The following SLC38A10 variants were observed in gnomAD, a reference collection of about 807,000 sequenced individuals.
SLC38A10 encodes the protein Sodium-coupled neutral amino acid transporter 10.
In SLC38A10, 53 loss-of-function variants were observed where a neutral mutation model predicts 81.0. The observed-to-expected ratio is 0.65, with a 90% CI of 0.53 to 0.82. SLC38A10 has a LOEUF of 0.82. Among genes scored for constraint, SLC38A10 ranks in the 40% least tolerant of loss-of-function variants. The pLI is 0.00. For missense variants in SLC38A10, 1,471 were observed against 1,545.0 expected (o/e 0.95, Z 0.80); for synonymous variants, 665 against 655.3 (o/e 1.01, Z -0.23).
In SLC38A10 at chr17:81,283,099, G is replaced by A. The variant is rs534267852; in HGVS notation, c.357+310C>T. Reference sequence around the variant, plus strand: ...GCCGGGGATGCCTGAGGGCCTGGCCGCCTCTGCCCTCCAATGGGCAGCCCG... The same window carrying A: ...GCCGGGGATGCCTGAGGGCCTGGCCACCTCTGCCCTCCAATGGGCAGCCCG... On this transcript the variant is annotated intron_variant, in intron 4 of 15. Transcript: ENST00000374759. The surrounding 1 kb of genome is among the most constrained non-coding windows in gnomAD (Gnocchi z 4.7). Among the ~76,000 whole-genome samples the A allele has an allele frequency of 6.6e-6, 1 of 152,284 alleles. No individual in the cohort carries two copies. The highest frequency in any genetic ancestry group is 1.9e-4 in the East Asian group (1 of 5,158).
intron 2 of SLC38A10, among the ~76,000 whole-genome samples, chr17:81,285,963 C>T (rs2146952947): frequency 6.6e-6 from 1 of 152,322 alleles, no homozygotes; most frequent in South Asian, 2.1e-4. Context: ...CCTGGACCTG[C>T]CTATGGGCTC....
Position 81,276,064 on chromosome 17 carries a change from G to A in SLC38A10, c.817C>T (p.Leu273Phe). The A allele has an allele frequency of 6.2e-7, 1 of 1,613,982 alleles. No homozygotes were observed. Among genetic ancestry groups the A allele is most frequent in the Non-Finnish European group, 8.5e-7 (1 of 1,180,030 alleles). The change falls in exon 8 of 16, where the codon CTC becomes TTC. Residue 273 changes from leucine (L) to phenylalanine (F), a missense_variant. Physicochemically the swap from Leu to Phe is conservative, Grantham distance 22 (BLOSUM62 0). Transcript: ENST00000374759. This position sits in a 1 kb window ranked among gnomAD's most constrained non-coding sequence, Gnocchi z 4.7. ...ACTGACATCATGAAGCCCACACGGAGCATCTCCGTCACCAGGTTGGAGGGA... is the reference window on the plus strand; with the variant it reads ...ACTGACATCATGAAGCCCACACGGAACATCTCCGTCACCAGGTTGGAGGGA... ...HFPSNLVTEM[L>F]RVGFMMSVAV...
At chr17:81,280,298 C>CTG in intron 6 of SLC38A10, 2 of 495,776 alleles carry the variant, frequency 4.0e-6, no homozygotes, top group Non-Finnish European at 7.6e-6. Flanking sequence ...GCGCTCGACT[C>CTG]TGTGCAGTCA....
rs562250258 is a variant in SLC38A10 at position 81,284,701 on chromosome 17, C to T, written c.263+149G>A. On this transcript the variant is annotated intron_variant, in intron 3 of 15. Transcript: ENST00000374759. ...ATTTTTCTTACAACACTGAAGGGTACAAGTAATTGGACTTTCATGTATTTA... is the reference window on the plus strand; with the variant it reads ...ATTTTTCTTACAACACTGAAGGGTATAAGTAATTGGACTTTCATGTATTTA... 5.2e-6 allele frequency: 3 copies of T among 580,862 alleles called. No homozygotes were observed. The East Asian group carries it at 9.7e-5, about 19-fold the overall frequency. 36.0% of individuals were successfully genotyped at this position (580,862 alleles called of 1,614,324 possible).
intron 14 of SLC38A10, among the ~76,000 whole-genome samples, chr17:81,249,311 A>G (rs1490860081): frequency 8.8e-4 from 10 of 11,384 alleles, no homozygotes; most frequent in African/African-American, 7.7e-3. Flanking sequence ...AAGAGGAGGA[A>G]GGAGGGAAGA....
intron 8 of SLC38A10, among the ~76,000 whole-genome samples, chr17:81,273,410 G>C (rs965732377): frequency 6.6e-6 from 1 of 152,126 alleles, no homozygotes; most frequent in Admixed American, 6.5e-5. Flanking sequence ...GTGACTTCTC[G>C]GTGCCTCAGT....
chr17:81,294,942 G>A lies in SLC38A10; in HGVS notation c.-21C>T, dbSNP rs759829852. On this transcript the variant is annotated 5_prime_UTR_variant, in exon 1 of 16. Coordinates refer to ENST00000374759, the MANE Select transcript of SLC38A10 (RefSeq NM_001037984.3). ...GTCATAGTGAGAGGTCTAGGGGCCC[G>A]GGGCGAGAGGCCTCGGGGGTCGCCG... 12 of 1,564,552 alleles carry A rather than the reference G, an allele frequency of 7.7e-6. No homozygotes were observed. The African/African-American group carries it at 1.3e-4, about 17-fold the overall frequency.
Position 81,283,601 on chromosome 17 carries a change from ATGTGAT to A in SLC38A10, c.264-105_264-100del. 1 of 755,114 alleles carries A rather than the reference ATGTGAT, an allele frequency of 1.3e-6. No homozygotes were observed. The highest frequency in any genetic ancestry group is 2.2e-6 in the Non-Finnish European group (1 of 464,366). 46.8% of individuals were successfully genotyped at this position (755,114 alleles called of 1,614,324 possible). A position where few individuals can be genotyped will look rare whatever the true frequency, so the allele number is the denominator to read the frequency against. On this transcript the variant is annotated intron_variant, in intron 3 of 15. Transcript: ENST00000374759. The surrounding 1 kb of genome is among the most constrained non-coding windows in gnomAD (Gnocchi z 4.7). ...ACCCCAAGGCTGGGCTGAATGACAG[ATGTGAT>A]TTCTTTTTTCTTTTTTTTTTTTTTG...
intron 11 of SLC38A10, among the ~76,000 whole-genome samples, chr17:81,256,905 T>C (rs1368166095): frequency 1.3e-5 from 2 of 152,212 alleles, no homozygotes; most frequent in African/African-American, 4.8e-5. Context: ...AGCCAGGCCC[T>C]GGTACAGCCT....
intron 1 of SLC38A10, among the ~76,000 whole-genome samples, chr17:81,294,590 G>A (rs1364310925): frequency 1.3e-5 from 2 of 152,200 alleles, no homozygotes; most frequent in Non-Finnish European, 2.9e-5. Context: ...TTTGAGTGTG[G>A]GGAACTTTCC....
chr17:81,266,789 C>A (rs993219714), intron 10 of SLC38A10, among the ~76,000 whole-genome samples: 20 of 152,204 alleles, frequency 1.3e-4, no homozygotes, highest in African/African-American at 3.6e-4. Context: ...GGAGAGTTCG[C>A]AAGGACATCT....
Position 81,246,629 on chromosome 17 carries a change from C to T in SLC38A10, c.2287G>A (p.Glu763Lys). 1 of 1,515,076 alleles carries T rather than the reference C, an allele frequency of 6.6e-7. No individual in the cohort carries two copies. Among genetic ancestry groups the T allele is most frequent in the Non-Finnish European group, 8.8e-7 (1 of 1,134,816 alleles). 93.9% of individuals were successfully genotyped at this position (1,515,076 alleles called of 1,614,324 possible). A position where few individuals can be genotyped will look rare whatever the true frequency, so the allele number is the denominator to read the frequency against. The change falls in exon 16 of 16, where the codon GAG (glutamate) becomes AAG (lysine). Residue 763 changes from glutamate (E) to lysine (K), a missense_variant. This residue lies in a region of SLC38A10 where 751 missense variants were observed against 717.4 expected (regional missense o/e 1.05). Transcript: ENST00000374759. ...EPGAAVPRGQEAPEGKARETV... is the reference protein window; with the variant it reads ...EPGAAVPRGQKAPEGKARETV... ...TCCCTGGCCTTGCCTTCAGGGGCCTCCTGGCCTCTGGGCACCGCTGCCCCG... is the reference window on the plus strand; with the variant it reads ...TCCCTGGCCTTGCCTTCAGGGGCCTTCTGGCCTCTGGGCACCGCTGCCCCG...
At position 81,281,989 on chromosome 17, in the gene SLC38A10, T is replaced by G. The variant is rs1598402703; in HGVS notation, c.501+200A>C. ...CTCCTGCCAGCCAACCGCACCTGGG[T>G]CCAGCCAGCCCCGTCTGCCCCATGG... On this transcript the variant is annotated intron_variant, in intron 5 of 15. Transcript: ENST00000374759. The surrounding 1 kb of genome is among the most constrained non-coding windows in gnomAD (Gnocchi z 5.3). Among the ~76,000 whole-genome samples, 1 of 151,934 alleles carries G rather than the reference T, an allele frequency of 6.6e-6. No individual in the cohort carries two copies. The highest frequency in any genetic ancestry group is 1.9e-4 in the East Asian group (1 of 5,174).
chr17:81,259,865 G>A (rs1414938299), intron 11 of SLC38A10, among the ~76,000 whole-genome samples: 4 of 152,184 alleles, frequency 2.6e-5, no homozygotes, highest in East Asian at 1.9e-4. Flanking sequence ...CCTGATCGCC[G>A]ACCCTGTCCA....
rs1261245047 is a variant in SLC38A10, at chr17:81,265,757, C to A, written c.1131+5161G>T. On this transcript the variant is annotated intron_variant, in intron 10 of 15. Transcript: ENST00000374759. This position sits in a 1 kb window ranked among gnomAD's most constrained non-coding sequence, Gnocchi z 4.2. ...GCCACAGGCCCAGGGTACGGCCTTG[C>A]GGTGCTGACATCTCCGTACCTAAGG... 1.3e-5 allele frequency among the ~76,000 whole-genome samples: 2 copies of A among 152,230 alleles called. No homozygotes were observed. The highest frequency in any genetic ancestry group is 2.9e-5 in the Non-Finnish European group (2 of 68,044).
At position 81,283,423 on chromosome 17, in the gene SLC38A10, G is replaced by T. The variant is rs138694564; in HGVS notation, c.343C>A (p.Leu115Met). The T allele has an allele frequency of 1.3e-4, 216 of 1,611,812 alleles. No homozygotes were observed. Among genetic ancestry groups the T allele is most frequent in the Non-Finnish European group, 1.7e-4 (206 of 1,178,902 alleles). Residue 115 changes from leucine (L) to methionine (M), a missense_variant, in exon 4 of 16, where the codon CTG becomes ATG. Leu to Met is a conservative substitution (Grantham distance 15, BLOSUM62 2). Coordinates refer to ENST00000374759, the MANE Select transcript of SLC38A10 (RefSeq NM_001037984.3). The surrounding 1 kb of genome is among the most constrained non-coding windows in gnomAD (Gnocchi z 4.7). ...GDLGSNFFAR[L>M]FGFQVGGTFR... Reference sequence around the variant, plus strand: ...CACATCCTTACCTGAAACCCGAACAGCCGGGCAAAGAAGTTGGACCCCAAG... The same window carrying T: ...CACATCCTTACCTGAAACCCGAACATCCGGGCAAAGAAGTTGGACCCCAAG...
rs72850618 is a variant in SLC38A10, at chr17:81,276,751, G to C, written c.729+280C>G. Among the ~76,000 whole-genome samples the C allele has an allele frequency of 6.6e-6, 1 of 152,124 alleles. No individual in the cohort carries two copies. The highest frequency in any genetic ancestry group is 2.4e-5 in the African/African-American group (1 of 41,422). Reference sequence around the variant, plus strand: ...CTTGGAGAGAGAGTAAGAGTGGCTCGGATAAAGGGTTCTGGGAGCAGCCCT... The same window carrying C: ...CTTGGAGAGAGAGTAAGAGTGGCTCCGATAAAGGGTTCTGGGAGCAGCCCT... On this transcript the variant is annotated intron_variant, in intron 7 of 15. Coordinates refer to ENST00000374759, the MANE Select transcript of SLC38A10 (RefSeq NM_001037984.3). The surrounding 1 kb of genome is among the most constrained non-coding windows in gnomAD (Gnocchi z 4.7).
chr17:81,259,257 AC>A (rs2062999608), intron 11 of SLC38A10, among the ~76,000 whole-genome samples: 1 of 151,704 alleles, frequency 6.6e-6, no homozygotes, highest in African/African-American at 2.4e-5. Flanking sequence ...GCCGCCTGAG[AC>A]CCCCAGCCAG....
chr17:81,253,148 C>G lies in SLC38A10; in HGVS notation c.1381G>C (p.Gly461Arg). 6.2e-7 allele frequency: 1 copy of G among 1,613,956 alleles called. No individual in the cohort carries two copies. Among genetic ancestry groups the G allele is most frequent in the South Asian group, 1.1e-5 (1 of 91,086 alleles). The stretch of plus-strand genomic sequence containing the variant: ...TCCCGTCCAGGCACATCCACGGGCC[C>G]CTTGATCTGGGCCTGCTCCAGCTCC... ...REELEQAQIKGPVDVPGREDG... is the reference protein window; with the variant it reads ...REELEQAQIKRPVDVPGREDG... The change falls in exon 12 of 16, where the codon GGG (glycine) becomes CGG (arginine). Residue 461 changes from glycine to arginine, a missense_variant. Around this residue, in one of 2 missense-constraint regions of SLC38A10, gnomAD observed 720 missense variants for 827.7 expected, o/e 0.87. Coordinates refer to ENST00000374759, the MANE Select transcript of SLC38A10 (RefSeq NM_001037984.3). The surrounding 1 kb of genome is among the most constrained non-coding windows in gnomAD (Gnocchi z 4.1).
Sources: gnomAD v4.1 joint callset for allele counts (sites outside exome capture counted in the v4.1 genomes callset) on GRCh38, gnomAD v4.1.1 for gene constraint, gnomAD v4.1.1 regional missense constraint, Gnocchi (gnomAD v3.1) non-coding constraint, MANE v1.5 for transcripts, NCBI Gene and HGNC (gene_info 2026-07-23, HGNC 2026-07-21) for gene names.